The following ZNF672 variants were observed in gnomAD, a reference collection of about 807,000 sequenced individuals.
ZNF672 encodes the protein zinc finger protein 672.
For synonymous variants in ZNF672, 358 were observed against 305.6 expected (o/e 1.17, Z -1.79); for missense variants, 733 against 701.1 (o/e 1.05, Z -0.51).
In ZNF672 at chr1:248,848,209, C is replaced by T. The variant is rs1276324050; in HGVS notation, c.935C>T (p.Ala312Val). 1.3e-6 allele frequency: 2 copies of T among 1,599,740 alleles called. No homozygotes were observed. Among genetic ancestry groups the T allele is most frequent in the African/African-American group, 1.3e-5 (1 of 74,708 alleles). ...ATCCACACGGGCGAGAAGCCCTTCG[C>T]GTGCCCCGAGTGCGGCCGCCGCTTC... The part of the protein sequence containing the change: ...QRIHTGEKPF[A>V]CPECGRRFSD... Residue 312 changes from alanine (A) to valine (V), a missense_variant, in exon 4 of 4, where the codon GCG (alanine) becomes GTG (valine). By Grantham distance (64) the Ala-to-Val change is moderately conservative (BLOSUM62 0). Coordinates refer to ENST00000306562, the MANE Select transcript of ZNF672 (RefSeq NM_024836.3).
In ZNF672 at chr1:248,849,506, T is replaced by C. The variant is rs1056695153; in HGVS notation, c.*873T>C. 1 of 263,522 alleles carries C rather than the reference T, an allele frequency of 3.8e-6. No individual in the cohort carries two copies. Among genetic ancestry groups the C allele is most frequent in the Non-Finnish European group, 7.9e-6 (1 of 126,538 alleles). 16.3% of individuals were successfully genotyped at this position (263,522 alleles called of 1,614,324 possible). On this transcript the variant is annotated 3_prime_UTR_variant, in exon 4 of 4. Coordinates refer to ENST00000306562, the MANE Select transcript of ZNF672 (RefSeq NM_024836.3). ...CTCATGGCTAGTGAAATAAAGTTGT[T>C]TGAGTACTAGATGCCAAGTGCCGCC...
chr1:248,840,202 G>C (rs1664648661), intron 1 of ZNF672, among the ~76,000 whole-genome samples: 1 of 152,006 alleles, frequency 6.6e-6, no homozygotes, highest in Admixed American at 6.6e-5. Flanking sequence ...CGATTCTCCT[G>C]CTTCAGCCTC....
chr1:248,846,997 C>T (rs1431074876), intron 3 of ZNF672, 55 bp from the exon 4 acceptor site: 6 of 458,230 alleles, frequency 1.3e-5, no homozygotes, highest in Non-Finnish European at 2.4e-5. Context: ...TTCGTGTTCC[C>T]CTCTCCATTC....
chr1:248,848,628 T>C lies in ZNF672; in HGVS notation c.1354T>C (p.Ser452Pro), dbSNP rs1375403010. The stretch of plus-strand genomic sequence containing the variant: ...ACAGGAAAAGCCAGGGTTCTCTGTG[T>C]CCTAGTTGAGGGAGGCTTGCTGAGG... Reference protein sequence around the residue: ...AEQEKPGFSVS With the variant: ...AEQEKPGFSVP The change falls in exon 4 of 4, where the codon TCC becomes CCC. Residue 452 changes from serine to proline, a missense_variant. Coordinates refer to ENST00000306562, the MANE Select transcript of ZNF672 (RefSeq NM_024836.3). 1.9e-6 allele frequency: 3 copies of C among 1,570,580 alleles called. No homozygotes were observed. The highest frequency in any genetic ancestry group is 2.6e-6 in the Non-Finnish European group (3 of 1,156,732).
chr1:248,848,714 C>T lies in ZNF672; in HGVS notation c.*81C>T, dbSNP rs556779876. 109 of 1,480,080 alleles carry T rather than the reference C, an allele frequency of 7.4e-5. No homozygotes were observed. In the African/African-American group the frequency reaches 1.4e-3, roughly 19 times the overall value. The allele number at this position is 1,480,080 out of a possible 1,614,324, so 91.7% of individuals were successfully genotyped here. A position where few individuals can be genotyped will look rare whatever the true frequency, so the allele number is the denominator to read the frequency against. Reference sequence around the variant, plus strand: ...TATCACGGGGACAGTTGAGGCAACTCGTAGATGGAGATTTGGGAAAAGACG... The same window carrying T: ...TATCACGGGGACAGTTGAGGCAACTTGTAGATGGAGATTTGGGAAAAGACG... On this transcript the variant is annotated 3_prime_UTR_variant, in exon 4 of 4. Transcript: ENST00000306562.
intron 1 of ZNF672, among the ~76,000 whole-genome samples, chr1:248,843,026 G>T (rs1354064663): frequency 1.3e-5 from 2 of 152,098 alleles, no homozygotes; most frequent in Non-Finnish European, 2.9e-5. Flanking sequence ...TCACAGCCAG[G>T]TCTGTCCCTG....
intron 1 of ZNF672, among the ~76,000 whole-genome samples, chr1:248,839,643 A>G (rs1664636412): frequency 6.6e-6 from 1 of 152,138 alleles, no homozygotes; most frequent in African/African-American, 2.4e-5. Flanking sequence ...ACCCTGTCTC[A>G]AAAAACAAAC....
In ZNF672 at chr1:248,848,678, C is replaced by T. The variant is rs185877947; in HGVS notation, c.*45C>T. The T allele has an allele frequency of 5.9e-6, 9 of 1,526,194 alleles. No individual in the cohort carries two copies. In the Admixed American group the frequency reaches 1.5e-4, roughly 25 times the overall value. The allele number at this position is 1,526,194 out of a possible 1,614,324, so 94.5% of individuals were successfully genotyped here. Reference sequence around the variant, plus strand: ...GCTTCTCTAAAGGTGGTTGGGCAAGCACCTATATAGTATCACGGGGACAGT... The same window carrying T: ...GCTTCTCTAAAGGTGGTTGGGCAAGTACCTATATAGTATCACGGGGACAGT... On this transcript the variant is annotated 3_prime_UTR_variant, in exon 4 of 4. Coordinates refer to ENST00000306562, the MANE Select transcript of ZNF672 (RefSeq NM_024836.3).
At chr1:248,846,983 G>C in intron 3 of ZNF672, 69 bp from the exon 4 acceptor site, 1 of 412,646 alleles carries the variant, frequency 2.4e-6, no homozygotes, top group South Asian at 3.7e-5. Flanking sequence ...TAACAAATAG[G>C]GAGTTCGTGT....
rs1659143642 is a variant in ZNF672 at position 248,847,278 on chromosome 1, T to C, written c.4T>C (p.Phe2Leu). ...TCCCTGTGAACCCGTCCTCACCATG[T>C]TTGCCACATCTGGGGCAGTGGCAGC... The part of the protein sequence containing the change: M[F>L]ATSGAVAAGK... Residue 2 changes from phenylalanine (F) to leucine (L), a missense_variant, in exon 4 of 4, where the codon TTT becomes CTT. By Grantham distance (22) the Phe-to-Leu change is conservative (BLOSUM62 0). Coordinates refer to ENST00000306562, the MANE Select transcript of ZNF672 (RefSeq NM_024836.3). The C allele has an allele frequency of 6.3e-7, 1 of 1,598,096 alleles. No individual in the cohort carries two copies. The highest frequency in any genetic ancestry group is 1.3e-5 in the African/African-American group (1 of 74,644).
chr1:248,844,375 A>G (rs1664724500), intron 1 of ZNF672, 108 bp from the exon 2 acceptor site: 2 of 152,214 alleles, frequency 1.3e-5, no homozygotes. Flanking sequence ...AGTGAAAGAA[A>G]TTTGGTGGTA....
chr1:248,845,334 C>T (rs1226984076), intron 2 of ZNF672, among the ~76,000 whole-genome samples: 1 of 151,852 alleles, frequency 6.6e-6, no homozygotes, highest in Non-Finnish European at 1.5e-5. Context: ...TATAAGATGT[C>T]TGGGATTTAA....
chr1:248,846,139 CAGTG>C (rs757461356), intron 3 of ZNF672, among the ~76,000 whole-genome samples: 1 of 152,190 alleles, frequency 6.6e-6, no homozygotes, highest in African/African-American at 2.4e-5. Context: ...GTGGCTGAGA[CAGTG>C]AGGAAATGCT....
At chr1:248,841,267 A>G (rs1664675586) in intron 1 of ZNF672, among the ~76,000 whole-genome samples, 1 of 152,228 alleles carries the variant, frequency 6.6e-6, no homozygotes. Flanking sequence ...AGCACTGAGT[A>G]TCTTCTGTGT....
At chr1:248,840,245 CA>C (rs1231393281) in intron 1 of ZNF672, among the ~76,000 whole-genome samples, 1 of 151,848 alleles carries the variant, frequency 6.6e-6, no homozygotes, top group Admixed American at 6.6e-5. Context: ...CGCGTGCCAC[CA>C]TGCCTGGCTA....
intron 1 of ZNF672, among the ~76,000 whole-genome samples, chr1:248,841,936 A>G (rs1333566618): frequency 6.6e-6 from 1 of 152,166 alleles, no homozygotes; most frequent in Non-Finnish European, 1.5e-5. Context: ...CTCCAAAATA[A>G]AAAGAATGTG....
chr1:248,844,965 TC>T (rs1423319366), intron 2 of ZNF672, among the ~76,000 whole-genome samples: 1 of 152,226 alleles, frequency 6.6e-6, no homozygotes, highest in Non-Finnish European at 1.5e-5. Context: ...CAAGGAGCTC[TC>T]TAAAGTCTAC....
In ZNF672 at chr1:248,845,592, G is replaced by C. The variant is rs1198423928; in HGVS notation, c.-294G>C. 6.6e-6 allele frequency: 1 copy of C among 152,122 alleles called. No homozygotes were observed. Among genetic ancestry groups the C allele is most frequent in the Non-Finnish European group, 1.5e-5 (1 of 68,036 alleles). The allele number at this position is 152,122 out of a possible 1,614,324, so 9.4% of individuals were successfully genotyped here. On this transcript the variant is annotated 5_prime_UTR_variant, in exon 3 of 4. Transcript: ENST00000306562. ...ACATCTTACTCCAGAGGCACAAGAG[G>C]AGGACATCCCATGCGGCTACTCCTG... is the stretch of plus-strand genomic sequence containing the variant.
chr1:248,848,717 A>T lies in ZNF672; in HGVS notation c.*84A>T, dbSNP rs1451068035. On this transcript the variant is annotated 3_prime_UTR_variant, in exon 4 of 4. Coordinates refer to ENST00000306562, the MANE Select transcript of ZNF672 (RefSeq NM_024836.3). ...CACGGGGACAGTTGAGGCAACTCGT[A>T]GATGGAGATTTGGGAAAAGACGATG... 3 of 1,479,662 alleles carry T rather than the reference A, an allele frequency of 2.0e-6. No homozygotes were observed. The highest frequency in any genetic ancestry group is 2.7e-6 in the Non-Finnish European group (3 of 1,114,116). 91.7% of individuals were successfully genotyped at this position (1,479,662 alleles called of 1,614,324 possible). A position where few individuals can be genotyped will look rare whatever the true frequency, so the allele number is the denominator to read the frequency against.
Sources: gnomAD v4.1 joint callset for allele counts (sites outside exome capture counted in the v4.1 genomes callset) on GRCh38, gnomAD v4.1.1 for gene constraint, MANE v1.5 for transcripts, NCBI Gene and HGNC (gene_info 2026-07-23, HGNC 2026-07-21) for gene names.